Variants in FAM117B observed in about 807,000 individuals in gnomAD.
FAM117B encodes the protein family with sequence similarity 117 member B, also known as protein FAM117B.
A neutral mutation model predicts 52.8 loss-of-function variants in FAM117B; 22 were observed. The observed-to-expected ratio is 0.42, with a 90% CI of 0.30 to 0.59. The LOEUF (loss-of-function observed/expected upper bound fraction) is 0.59, where lower values mean the gene tolerates loss of function less well. FAM117B is among the 20% of genes least tolerant of loss of function. The pLI is 0.22. For missense variants in FAM117B, 678 were observed against 802.6 expected (o/e 0.84, Z 1.88); for synonymous variants, 309 against 324.1 (o/e 0.95, Z 0.50).
chr2:202,731,758 G>A (rs549394059), intron 4 of FAM117B, among the ~76,000 whole-genome samples: 7 of 149,914 alleles, frequency 4.7e-5, no homozygotes, highest in South Asian at 2.1e-4. Context: ...TGTTTGCGAC[G>A]GAGTTTCACT....
intron 1 of FAM117B, among the ~76,000 whole-genome samples, chr2:202,640,269 CACA>C (rs1689747576): frequency 7.7e-6 from 1 of 130,328 alleles, no homozygotes; most frequent in Non-Finnish European, 1.6e-5. Context: ...AAAACTCCGT[CACA>C]ACAACCACCA....
intron 4 of FAM117B, among the ~76,000 whole-genome samples, chr2:202,743,451 T>G (rs974782314): frequency 6.6e-6 from 1 of 152,070 alleles, no homozygotes; most frequent in Admixed American, 6.6e-5. Context: ...ATACTAAATG[T>G]ACAAGTATTA....
At chr2:202,642,534 G>A (rs918968526) in intron 1 of FAM117B, among the ~76,000 whole-genome samples, 3 of 151,968 alleles carry the variant, frequency 2.0e-5, no homozygotes, top group Admixed American at 6.6e-5. Flanking sequence ...GTGATAGTTT[G>A]GATGGTGGTT....
chr2:202,664,573 A>G (rs1295220751), intron 1 of FAM117B, among the ~76,000 whole-genome samples: 1 of 152,248 alleles, frequency 6.6e-6, no homozygotes, highest in Non-Finnish European at 1.5e-5. Flanking sequence ...AACACAATTC[A>G]AAGAACTAAT....
At chr2:202,725,778 G>A (rs1260588060) in intron 3 of FAM117B, among the ~76,000 whole-genome samples, 1 of 152,094 alleles carries the variant, frequency 6.6e-6, no homozygotes, top group Non-Finnish European at 1.5e-5. Context: ...CTCGGTCAAA[G>A]AATAAATAAG....
chr2:202,725,299 C>T (rs370297942), intron 3 of FAM117B: 62 of 148,800 alleles, frequency 4.2e-4, no homozygotes, highest in Middle Eastern at 3.2e-3. Flanking sequence ...CACATTTATT[C>T]TTTTTTTTTT....
intron 1 of FAM117B, among the ~76,000 whole-genome samples, chr2:202,640,215 G>T (rs1003836708): frequency 1.4e-5 from 2 of 147,570 alleles, no homozygotes; most frequent in African/African-American, 5.0e-5. Context: ...AGGTTGCAGT[G>T]AGCCGAGATT....
chr2:202,688,753 A>G (rs1690580516), intron 1 of FAM117B, among the ~76,000 whole-genome samples: 1 of 152,094 alleles, frequency 6.6e-6, no homozygotes, highest in African/African-American at 2.4e-5. Context: ...TACCCTTGTG[A>G]TGTTATAGGT....
chr2:202,635,723 G>C lies in FAM117B; in HGVS notation c.536G>C (p.Arg179Thr), dbSNP rs745883679. 3.5e-6 allele frequency: 5 copies of C among 1,447,178 alleles called. No individual in the cohort carries two copies. Among genetic ancestry groups the C allele is most frequent in the African/African-American group, 1.5e-5 (1 of 67,800 alleles). 89.6% of individuals were successfully genotyped at this position (1,447,178 alleles called of 1,614,324 possible). ...PPPARVRHRR[R>T]SPEQSRSSPE... ...CCAGCCCGCGTCCGGCATCGGAGGA[G>C]GTCTCCGGAGCAGAGCCGAAGCTCG... Residue 179 changes from arginine (R) to threonine (T), a missense_variant, in exon 1 of 8, where the codon AGG becomes ACG. Around this residue, in one of 3 missense-constraint regions of FAM117B, gnomAD observed 583 missense variants for 644.8 expected, o/e 0.90. Transcript: ENST00000392238.
rs576038097 is a variant in FAM117B, at chr2:202,715,836, T to C, written c.754-9081T>C. On this transcript the variant is annotated intron_variant, in intron 2 of 7. Coordinates refer to ENST00000392238, the MANE Select transcript of FAM117B (RefSeq NM_173511.4). The stretch of plus-strand genomic sequence containing the variant: ...AGACTCCGTCTGCAATCCCGGCACC[T>C]CGGGAGGCCGAGGCTGGCGGATCAC... 8.6e-4 allele frequency among the ~76,000 whole-genome samples: 131 copies of C among 152,334 alleles called. 3 individuals carry two copies. The highest frequency in any genetic ancestry group is 2.8e-3 in the Admixed American group (43 of 15,302).
At chr2:202,680,918 G>C (rs1690452707) in intron 1 of FAM117B, among the ~76,000 whole-genome samples, 2 of 152,178 alleles carry the variant, frequency 1.3e-5, no homozygotes, top group Non-Finnish European at 2.9e-5. Context: ...TTAATGGTAA[G>C]ATAAAAGGAC....
intron 5 of FAM117B, among the ~76,000 whole-genome samples, 197 bp from the exon 6 acceptor site, chr2:202,757,016 T>C (rs1463531523): frequency 6.6e-6 from 1 of 152,040 alleles, no homozygotes; most frequent in African/African-American, 2.4e-5. Flanking sequence ...GAATACAAAG[T>C]CTTCACCGAA....
At chr2:202,759,590 C>CT (rs1691854470) in intron 7 of FAM117B, among the ~76,000 whole-genome samples, 1 of 149,066 alleles carries the variant, frequency 6.7e-6, no homozygotes, top group Non-Finnish European at 1.5e-5. Flanking sequence ...CAGAGTTTCA[C>CT]TCTGACACCC....
At chr2:202,698,993 C>T (rs1690755071) in intron 2 of FAM117B, among the ~76,000 whole-genome samples, 1 of 152,144 alleles carries the variant, frequency 6.6e-6, no homozygotes, top group South Asian at 2.1e-4. Context: ...CCATTGGGAG[C>T]CTCTTGATCT....
Position 202,740,173 on chromosome 2 carries a change from C to CAAAAAAAAAAAAAA in FAM117B, c.960+13810_960+13811insAAAAAAAAAAAAAA, listed in dbSNP as rs1358404767. Among the ~76,000 whole-genome samples the CAAAAAAAAAAAAAA allele has an allele frequency of 1.4e-4, 10 of 69,686 alleles. 4 individuals are homozygous for CAAAAAAAAAAAAAA. The highest frequency in any genetic ancestry group is 2.3e-4 in the African/African-American group (4 of 17,470). 45.7% of individuals were successfully genotyped at this position (69,686 alleles called of 152,430 possible). A position where few individuals can be genotyped will look rare whatever the true frequency, so the allele number is the denominator to read the frequency against. ...GGAGGACAGAGCGAGACTTCATCCC[C>CAAAAAAAAAAAAAA]CAAAAAAAAAAAAAAAAAAAAAAAA... is the stretch of plus-strand genomic sequence containing the variant. On this transcript the variant is annotated intron_variant, in intron 4 of 7. Transcript: ENST00000392238.
chr2:202,675,465 AAAAG>A (rs1387620127), intron 1 of FAM117B, among the ~76,000 whole-genome samples: 2 of 151,024 alleles, frequency 1.3e-5, no homozygotes, highest in East Asian at 3.9e-4. Flanking sequence ...AAAAAAAAAA[AAAAG>A]GCCAAGTGCT....
intron 4 of FAM117B, among the ~76,000 whole-genome samples, chr2:202,734,076 C>T (rs544186945): frequency 1.1e-4 from 17 of 152,286 alleles, no homozygotes; most frequent in East Asian, 7.7e-4. Flanking sequence ...TCCCTCTGTT[C>T]GGGTTCCCTG....
chr2:202,650,736 T>C (rs1378035802), intron 1 of FAM117B, among the ~76,000 whole-genome samples: 3 of 152,116 alleles, frequency 2.0e-5, no homozygotes, highest in Non-Finnish European at 4.4e-5. Context: ...CTGAAGAAAC[T>C]GGAGTGAGAT....
At chr2:202,748,546 G>A (rs916421196) in intron 4 of FAM117B, among the ~76,000 whole-genome samples, 3 of 151,924 alleles carry the variant, frequency 2.0e-5, no homozygotes, top group African/African-American at 7.3e-5. Flanking sequence ...AACTAACATC[G>A]AGAATCTTCA....
Sources: allele counts gnomAD v4.1 joint callset (sites outside exome capture counted in the v4.1 genomes callset), GRCh38; gene constraint gnomAD v4.1.1; regional missense constraint gnomAD v4.1.1; transcripts MANE v1.5; gene names NCBI Gene and HGNC (gene_info 2026-07-23, HGNC 2026-07-21).